The following AFAP1L2 variants were observed in gnomAD, a reference collection of about 807,000 sequenced individuals.
AFAP1L2 encodes actin filament-associated protein 1-like 2.
A neutral mutation model predicts 99.3 loss-of-function variants in AFAP1L2; 46 were observed. That is an observed-to-expected ratio of 0.46 (90% CI 0.37 to 0.59). The LOEUF is 0.59. AFAP1L2 is among the 20% of genes least tolerant of loss of function. The pLI is 0.00. For missense variants in AFAP1L2, 959 were observed against 1,034.9 expected (o/e 0.93, Z 1.01); for synonymous variants, 397 against 419.1 (o/e 0.95, Z 0.64).
In AFAP1L2 at chr10:114,404,190, C is replaced by G. The variant is rs966629581; in HGVS notation, c.16+250G>C. Among the ~76,000 whole-genome samples the G allele has an allele frequency of 9.2e-5, 14 of 152,240 alleles. No individual in the cohort carries two copies. In the East Asian group the frequency reaches 2.7e-3, roughly 29 times the overall value. Reference sequence around the variant, plus strand: ...GCAACAGGTGAGAAGCCCCGCCACGCCCCCCACTGACGACCCCCTCCTTCC... The same window carrying G: ...GCAACAGGTGAGAAGCCCCGCCACGGCCCCCACTGACGACCCCCTCCTTCC... On this transcript the variant is annotated intron_variant, in intron 1 of 18. Transcript: ENST00000304129.
At chr10:114,404,551 G>A (rs1311661696), upstream of AFAP1L2, 2 of 1,433,576 alleles carry the variant, frequency 1.4e-6, no homozygotes, top group South Asian at 1.5e-5. Context: ...CCCTCCCCGT[G>A]AGGTCACGCT....
intron 11 of AFAP1L2, 60 bp from the exon 12 acceptor site, chr10:114,302,544 C>T: frequency 6.2e-7 from 1 of 1,603,040 alleles, no homozygotes; most frequent in East Asian, 2.2e-5. Context: ...GTGCCAGCCC[C>T]TCCCCACCAG....
intron 7 of AFAP1L2, 40 bp from the exon 8 acceptor site, chr10:114,310,483 T>A: frequency 1.3e-6 from 2 of 1,586,884 alleles, no homozygotes; most frequent in Non-Finnish European, 1.7e-6. Flanking sequence ...GCTGAGGTCC[T>A]CTGGCCAGCA....
intron 1 of AFAP1L2, among the ~76,000 whole-genome samples, chr10:114,389,991 A>G (rs540628928): frequency 6.6e-6 from 1 of 152,318 alleles, no homozygotes; most frequent in Non-Finnish European, 1.5e-5. Context: ...ATAGGCTACA[A>G]GCAAACTCAT....
intron 1 of AFAP1L2, among the ~76,000 whole-genome samples, chr10:114,347,492 T>A (rs1434519068): frequency 6.6e-6 from 1 of 152,194 alleles, no homozygotes; most frequent in African/African-American, 2.4e-5. Flanking sequence ...TTTCTTTTTT[T>A]TGAGACAAGA....
intron 4 of AFAP1L2, chr10:114,325,976 G>T: frequency 1.6e-6 from 2 of 1,289,142 alleles, no homozygotes; most frequent in Non-Finnish European, 2.0e-6. Flanking sequence ...CTCCGTTCCC[G>T]TCAGGTGGGT....
intron 4 of AFAP1L2, among the ~76,000 whole-genome samples, chr10:114,330,111 A>C (rs2135535177): frequency 6.6e-6 from 1 of 152,276 alleles, no homozygotes; most frequent in South Asian, 2.1e-4. Context: ...ACCCAGCTCA[A>C]GGGACGGCAT....
chr10:114,323,298 A>G (rs776563164), intron 4 of AFAP1L2, 37 bp from the exon 5 acceptor site: 2 of 1,536,550 alleles, frequency 1.3e-6, no homozygotes, highest in South Asian at 1.2e-5. Flanking sequence ...GTTTGCAGAT[A>G]TGGTACACTG....
chr10:114,391,794 C>A (rs992159815), intron 1 of AFAP1L2, among the ~76,000 whole-genome samples: 1 of 152,116 alleles, frequency 6.6e-6, no homozygotes, highest in East Asian at 1.9e-4. Flanking sequence ...TTGACCAGCA[C>A]GTGGAAAAGC....
At chr10:114,337,805 T>C (rs975035420) in intron 2 of AFAP1L2, among the ~76,000 whole-genome samples, 1 of 152,218 alleles carries the variant, frequency 6.6e-6, no homozygotes, top group African/African-American at 2.4e-5. Flanking sequence ...TCATTGAACA[T>C]TCAAGGTGGA....
At chr10:114,293,925 A>G (rs1222754508), downstream of AFAP1L2, among the ~76,000 whole-genome samples, 2 of 152,136 alleles carry the variant, frequency 1.3e-5, no homozygotes, top group East Asian at 3.8e-4. Flanking sequence ...TGACTTTTTC[A>G]TCATAATAAT....
chr10:114,331,715 G>C (rs1287561834), intron 4 of AFAP1L2, 88 bp downstream of exon 4: 2 of 963,768 alleles, frequency 2.1e-6, no homozygotes, highest in African/African-American at 3.4e-5. Flanking sequence ...GAAAATGCCA[G>C]ACACTTAGTG....
At position 114,299,263 on chromosome 10, in the gene AFAP1L2, T is replaced by G; in HGVS notation, c.2110A>C (p.Thr704Pro). Residue 704 changes from threonine (T) to proline (P), a missense_variant, in exon 16 of 19, where the codon ACA becomes CCA. By Grantham distance (38) the Thr-to-Pro change is conservative. Transcript: ENST00000304129. ...RELKETLLKCTDKEVLASLEQ... is the reference protein window; with the variant it reads ...RELKETLLKCPDKEVLASLEQ... ...TCCCCACTGGGGGCCCCCTTACCTGTGCATTTCAGTAGGGTTTCCTTTAGC... is the reference window on the plus strand; with the variant it reads ...TCCCCACTGGGGGCCCCCTTACCTGGGCATTTCAGTAGGGTTTCCTTTAGC... 1 of 1,614,210 alleles carries G rather than the reference T, an allele frequency of 6.2e-7. No homozygotes were observed. Among genetic ancestry groups the G allele is most frequent in the Non-Finnish European group, 8.5e-7 (1 of 1,180,028 alleles).
At chr10:114,293,904 T>C (rs1482698932), downstream of AFAP1L2, among the ~76,000 whole-genome samples, 1 of 152,240 alleles carries the variant, frequency 6.6e-6, no homozygotes, top group Non-Finnish European at 1.5e-5. Flanking sequence ...CATGTATCCA[T>C]ATCTGGTTCT....
At chr10:114,389,679 A>C (rs778620769) in intron 1 of AFAP1L2, among the ~76,000 whole-genome samples, 45 of 152,338 alleles carry the variant, frequency 3.0e-4, no homozygotes, top group Non-Finnish European at 4.9e-4. Flanking sequence ...TTATTCATGC[A>C]TCTCCCCCGT....
At chr10:114,307,727 C>G in intron 10 of AFAP1L2, 78 bp downstream of exon 10, 1 of 1,245,104 alleles carries the variant, frequency 8.0e-7, no homozygotes, top group Admixed American at 1.8e-5. Flanking sequence ...CCCCTGCCTT[C>G]GCTGTCTGAG....
At position 114,404,389 on chromosome 10, in the gene AFAP1L2, G is replaced by T. The variant is rs754760193; in HGVS notation, c.16+51C>A. 63 of 1,521,640 alleles carry T rather than the reference G, an allele frequency of 4.1e-5. No homozygotes were observed. In the South Asian group the frequency reaches 5.4e-4, roughly 13 times the overall value. The allele number at this position is 1,521,640 out of a possible 1,614,324, so 94.3% of individuals were successfully genotyped here. On this transcript the variant is annotated intron_variant, in intron 1 of 18. Transcript: ENST00000304129. ...GAGTCCTAGCCCTGCCCTCCGCGTC[G>T]CTGGGCGAAAGGGAGTGGGTGTGCG...
intron 1 of AFAP1L2, among the ~76,000 whole-genome samples, chr10:114,379,275 G>A (rs1386455076): frequency 3.3e-5 from 5 of 151,388 alleles, no homozygotes; most frequent in Non-Finnish European, 2.9e-5. Flanking sequence ...CTGGATCAGA[G>A]AGCCCCAGAC....
At chr10:114,349,383 C>CA (rs113553514) in intron 1 of AFAP1L2, among the ~76,000 whole-genome samples, 15,176 of 85,880 alleles carry the variant, frequency 0.18, 1,347 homozygotes, top group East Asian at 0.38. Flanking sequence ...AACTCGGTCT[C>CA]AAAAAAAAAA....
Sources: gnomAD v4.1 joint callset for allele counts (sites outside exome capture counted in the v4.1 genomes callset) on GRCh38, gnomAD v4.1.1 for gene constraint, MANE v1.5 for transcripts, NCBI Gene and HGNC (gene_info 2026-07-23, HGNC 2026-07-21) for gene names.